MBNL2: variants seen among roughly 807,000 people sequenced by gnomAD.
MBNL2 encodes the protein muscleblind-like protein 2.
A neutral mutation model predicts 41.9 loss-of-function variants in MBNL2; 17 were observed. The observed-to-expected ratio is 0.41, with a 90% confidence interval of 0.28 to 0.61. MBNL2 has a LOEUF of 0.61. MBNL2 is among the 20% of genes least tolerant of loss of function. MBNL2 has a pLI of 0.35. For synonymous variants in MBNL2, 195 were observed against 182.9 expected, an observed-to-expected ratio of 1.07 and a Z score of -0.53; for missense variants, 336 against 505.6, an observed-to-expected ratio of 0.66 and a Z score of 3.22.
the MBNL2 span, among the ~76,000 whole-genome samples, chr13:97,187,542 C>A: frequency 6.8e-5 from 9 of 133,128 alleles, no homozygotes; most frequent in African/African-American, 2.5e-4. Flanking sequence ...AATTAGGAAG[C>A]CAAACCTGTC....
At chr13:97,153,111 A>G in the MBNL2 span, among the ~76,000 whole-genome samples, 4 of 152,202 alleles carry the variant, frequency 2.6e-5, no homozygotes, top group African/African-American at 7.2e-5. Context: ...CCAAATAAAA[A>G]AGTAAAAAAT....
At chr13:97,234,417 A>G (rs192906425) in intron 1 of MBNL2, among the ~76,000 whole-genome samples, 168 of 152,266 alleles carry the variant, frequency 1.1e-3, no homozygotes, top group African/African-American at 3.9e-3. Flanking sequence ...ACTCAAATTG[A>G]ACCTTGAACC....
chr13:97,311,955 TTGAA>T (rs1486163635), intron 2 of MBNL2, among the ~76,000 whole-genome samples: 1 of 152,210 alleles, frequency 6.6e-6, no homozygotes, highest in Non-Finnish European at 1.5e-5. Context: ...TATTTTTTCT[TTGAA>T]TGAAGGAAAA....
chr13:97,205,830 T>G, the MBNL2 span, among the ~76,000 whole-genome samples: 3 of 152,240 alleles, frequency 2.0e-5, no homozygotes, highest in Non-Finnish European at 4.4e-5. Context: ...AAGAATTACA[T>G]GCACGACTGA....
intron 2 of MBNL2, among the ~76,000 whole-genome samples, chr13:97,297,320 T>A (rs991131248): frequency 6.6e-6 from 1 of 152,148 alleles, no homozygotes; most frequent in African/African-American, 2.4e-5. Context: ...AAGATGAGTA[T>A]CAGCCAACTG....
intron 5 of MBNL2, among the ~76,000 whole-genome samples, chr13:97,350,645 C>A (rs2062361932): frequency 6.6e-6 from 1 of 152,216 alleles, no homozygotes. Flanking sequence ...TAGAACCCAT[C>A]TCAAGAAACT....
intron 1 of MBNL2, among the ~76,000 whole-genome samples, chr13:97,260,989 G>A (rs1433003698): frequency 6.6e-6 from 1 of 152,030 alleles, no homozygotes; most frequent in Non-Finnish European, 1.5e-5. Flanking sequence ...CGAGGGTGTT[G>A]TCTTGCCAAT....
At chr13:97,387,072 G>A (rs1210230454) in intron 8 of MBNL2, among the ~76,000 whole-genome samples, 1 of 150,976 alleles carries the variant, frequency 6.6e-6, no homozygotes, top group Non-Finnish European at 1.5e-5. Context: ...TTGCAGTTCA[G>A]AATTTTGATT....
In MBNL2 at chr13:97,393,889, A is replaced by G. The variant is rs1272203331; in HGVS notation, c.*2440A>G. The G allele has an allele frequency of 6.6e-6, 1 of 152,590 alleles. No homozygotes were observed. The highest frequency in any genetic ancestry group is 1.5e-5 in the Non-Finnish European group (1 of 68,002). 9.5% of individuals were successfully genotyped at this position (152,590 alleles called of 1,614,324 possible). On this transcript the variant is annotated 3_prime_UTR_variant, in exon 9 of 9. Transcript: ENST00000679496. ...CTAACTCTCCACTTGTATGGGAACT[A>G]CATTTCACTCTTGGTTTTCAGGATA... is the stretch of plus-strand genomic sequence containing the variant.
intron 8 of MBNL2, among the ~76,000 whole-genome samples, chr13:97,381,756 A>T (rs2065471046): frequency 6.6e-6 from 1 of 151,940 alleles, no homozygotes; most frequent in Non-Finnish European, 1.5e-5. Context: ...ACTTATATCA[A>T]CAATAACCAT....
chr13:97,290,071 C>T (rs1462340509), intron 2 of MBNL2, among the ~76,000 whole-genome samples: 1 of 152,292 alleles, frequency 6.6e-6, no homozygotes, highest in Admixed American at 6.5e-5. Flanking sequence ...ATAAAAGTCT[C>T]CCCATTGCAA....
intron 5 of MBNL2, among the ~76,000 whole-genome samples, chr13:97,348,343 G>A (rs981345451): frequency 6.6e-5 from 10 of 152,006 alleles, no homozygotes; most frequent in Admixed American, 1.3e-4. Flanking sequence ...TTACAGGTGC[G>A]AGCTACCATA....
At chr13:97,158,595 G>T in the MBNL2 span, among the ~76,000 whole-genome samples, 1 of 151,098 alleles carries the variant, frequency 6.6e-6, no homozygotes, top group Admixed American at 6.6e-5. Flanking sequence ...GGTATGTTGT[G>T]TCTTTGTTCT....
intron 1 of MBNL2, among the ~76,000 whole-genome samples, chr13:97,242,360 A>AG (rs1291788902): frequency 6.6e-6 from 1 of 152,204 alleles, no homozygotes; most frequent in Non-Finnish European, 1.5e-5. Flanking sequence ...TGTGCCTTGC[A>AG]GGGTCACCTT....
Position 97,366,363 on chromosome 13 carries a change from C to T in MBNL2, c.1048+1192C>T. ...CATCTGCTGGTTTAACCCATGATGG[C>T]TTGCTGCTCTGATATTCACCATGCC... is the stretch of plus-strand genomic sequence containing the variant. On this transcript the variant is annotated intron_variant, in intron 8 of 8. Coordinates refer to ENST00000679496, the MANE Select transcript of MBNL2 (RefSeq NM_001382683.1). This position sits in a 1 kb window ranked among gnomAD's most constrained non-coding sequence, Gnocchi z 4.7. 1 of 659,434 alleles carries T rather than the reference C, an allele frequency of 1.5e-6. No individual in the cohort carries two copies. Among genetic ancestry groups the T allele is most frequent in the Non-Finnish European group, 2.8e-6 (1 of 363,072 alleles). The allele number at this position is 659,434 out of a possible 1,614,324, so 40.8% of individuals were successfully genotyped here.
chr13:97,153,502 G>A, the MBNL2 span, among the ~76,000 whole-genome samples: 1 of 152,224 alleles, frequency 6.6e-6, no homozygotes, highest in Non-Finnish European at 1.5e-5. Context: ...AGAAAAGATT[G>A]TTGGGATTTT....
At position 97,240,981 on chromosome 13, in the gene MBNL2, T is replaced by C. The variant is rs1283909021; in HGVS notation, c.-605+18450T>C. Reference sequence around the variant, plus strand: ...GCCAAACTCCTGAGCTTAAAACTTTTGGAAATGAATGACTGACTGACTGAA... The same window carrying C: ...GCCAAACTCCTGAGCTTAAAACTTTCGGAAATGAATGACTGACTGACTGAA... On this transcript the variant is annotated intron_variant, in intron 1 of 8. Transcript: ENST00000679496. Among the ~76,000 whole-genome samples, 29 of 152,178 alleles carry C rather than the reference T, an allele frequency of 1.9e-4. 1 individual carries two copies. Among genetic ancestry groups the C allele is most frequent in the Admixed American group, 1.9e-3 (29 of 15,272 alleles).
intron 2 of MBNL2, among the ~76,000 whole-genome samples, chr13:97,301,443 C>T (rs1028365481): frequency 1.3e-5 from 2 of 152,118 alleles, no homozygotes; most frequent in African/African-American, 4.8e-5. Context: ...ATGACCTCAC[C>T]GTGTCTTGGA....
the MBNL2 span, among the ~76,000 whole-genome samples, chr13:97,210,071 C>T: frequency 4.6e-5 from 7 of 152,140 alleles, no homozygotes; most frequent in South Asian, 2.1e-4. Flanking sequence ...GCTGGGATTA[C>T]AGGCATGAAC....
Sources: allele counts gnomAD v4.1 joint callset (sites outside exome capture counted in the v4.1 genomes callset), GRCh38; gene constraint gnomAD v4.1.1; non-coding constraint Gnocchi (gnomAD v3.1); transcripts MANE v1.5; gene names NCBI Gene and HGNC (gene_info 2026-07-23, HGNC 2026-07-21).